Variants in SHB observed in about 807,000 individuals in gnomAD.
SHB encodes the protein SH2 domain-containing adapter protein B.
A neutral mutation model predicts 52.3 loss-of-function variants in SHB; 20 were observed. That is an observed-to-expected ratio of 0.38 (90% confidence interval 0.27 to 0.56). The LOEUF (loss-of-function observed/expected upper bound fraction) is 0.56. Ranked by LOEUF, SHB falls within the 20% of genes least tolerant of loss-of-function variation. The probability of loss-of-function intolerance (pLI) is 0.71; values close to 1 mark genes in which losing one functional copy is unlikely to be tolerated. For synonymous variants in SHB, 397 were observed against 316.5 expected, an observed-to-expected ratio of 1.25 and a Z score of -2.70; for missense variants, 825 against 723.3, an observed-to-expected ratio of 1.14 and a Z score of -1.61.
intron 1 of SHB, among the ~76,000 whole-genome samples, chr9:38,032,283 A>G (rs551124583): frequency 8.5e-5 from 13 of 152,154 alleles, no homozygotes; most frequent in African/African-American, 3.1e-4. Context: ...AAGCTCAGAA[A>G]TGTCTAGGAA....
chr9:37,971,690 A>G (rs575171142), intron 3 of SHB, among the ~76,000 whole-genome samples: 52 of 152,328 alleles, frequency 3.4e-4, no homozygotes, highest in Non-Finnish European at 6.9e-4. Context: ...CAACAGCCCA[A>G]TAACTCAGAC....
At chr9:37,959,926 A>C (rs1379375945) in intron 3 of SHB, among the ~76,000 whole-genome samples, 1 of 152,172 alleles carries the variant, frequency 6.6e-6, no homozygotes, top group Non-Finnish European at 1.5e-5. Context: ...CCGGCAACAT[A>C]ACAGGTGCTC....
chr9:37,988,506 T>A (rs901900012), intron 2 of SHB, among the ~76,000 whole-genome samples: 11 of 152,132 alleles, frequency 7.2e-5, no homozygotes, highest in African/African-American at 2.2e-4. Flanking sequence ...ACTAGCATGT[T>A]GGACGCTGAC....
At chr9:37,970,558 C>A (rs1820580536) in intron 3 of SHB, among the ~76,000 whole-genome samples, 1 of 152,216 alleles carries the variant, frequency 6.6e-6, no homozygotes, top group South Asian at 2.1e-4. Flanking sequence ...GCTTTGAAAG[C>A]TGGAAGGCAC....
At chr9:38,038,628 C>T (rs1220025363) in intron 1 of SHB, among the ~76,000 whole-genome samples, 1 of 152,206 alleles carries the variant, frequency 6.6e-6, no homozygotes, top group African/African-American at 2.4e-5. Context: ...AGGAAAGCAG[C>T]GGGTCTGCCT....
intron 3 of SHB, among the ~76,000 whole-genome samples, chr9:37,959,838 G>A (rs1023856329): frequency 3.0e-5 from 3 of 98,732 alleles, no homozygotes; most frequent in African/African-American, 1.3e-4. Flanking sequence ...CTAACTGCAT[G>A]TCCTACCCTG....
chr9:37,970,134 A>C (rs572207572), intron 3 of SHB, among the ~76,000 whole-genome samples: 2 of 152,298 alleles, frequency 1.3e-5, no homozygotes, highest in South Asian at 4.2e-4. Flanking sequence ...GTGGAACCTG[A>C]CTGGGCATTG....
chr9:37,963,100 T>C (rs1832711717), intron 3 of SHB, among the ~76,000 whole-genome samples: 1 of 152,114 alleles, frequency 6.6e-6, no homozygotes, highest in Non-Finnish European at 1.5e-5. Context: ...GGAGGTGCAG[T>C]GAGAGAAGAG....
chr9:37,986,723 G>A (rs929639820), intron 2 of SHB, among the ~76,000 whole-genome samples: 1 of 152,202 alleles, frequency 6.6e-6, no homozygotes, highest in East Asian at 1.9e-4. Context: ...TGATGAGCAG[G>A]GGCTGGGCTA....
chr9:38,016,731 CGACA>C (rs1821218765), intron 1 of SHB, among the ~76,000 whole-genome samples: 1 of 152,174 alleles, frequency 6.6e-6, no homozygotes, highest in Non-Finnish European at 1.5e-5. Context: ...GCTCAAGGAT[CGACA>C]GACAGCCAGG....
At chr9:38,051,277 T>TA (rs1821735563) in intron 1 of SHB, among the ~76,000 whole-genome samples, 1 of 151,668 alleles carries the variant, frequency 6.6e-6, no homozygotes, top group South Asian at 2.1e-4. Flanking sequence ...CTGTCTCTAC[T>TA]AAAAAATAAC....
At chr9:38,053,689 G>C (rs1332082525) in intron 1 of SHB, among the ~76,000 whole-genome samples, 1 of 152,002 alleles carries the variant, frequency 6.6e-6, no homozygotes, top group East Asian at 1.9e-4. Flanking sequence ...ACTCTCTGAG[G>C]ACCACATCAT....
At chr9:37,995,252 G>T (rs1820933741) in intron 2 of SHB, among the ~76,000 whole-genome samples, 1 of 152,282 alleles carries the variant, frequency 6.6e-6, no homozygotes, top group African/African-American at 2.4e-5. Flanking sequence ...CCACATGACC[G>T]CTGAGGCTCC....
chr9:38,027,829 G>A (rs1475964060), intron 1 of SHB, among the ~76,000 whole-genome samples: 1 of 151,976 alleles, frequency 6.6e-6, no homozygotes, highest in Admixed American at 6.6e-5. Flanking sequence ...GTTGGAGAAG[G>A]CCAGACTGGG....
At chr9:37,947,872 G>A (rs1832512033) in intron 5 of SHB, among the ~76,000 whole-genome samples, 1 of 152,222 alleles carries the variant, frequency 6.6e-6, no homozygotes, top group African/African-American at 2.4e-5. Flanking sequence ...TTACACCCCA[G>A]TTATGTCACC....
At chr9:38,002,776 CTG>C (rs1821033805) in intron 2 of SHB, among the ~76,000 whole-genome samples, 1 of 152,188 alleles carries the variant, frequency 6.6e-6, no homozygotes, top group East Asian at 1.9e-4. Flanking sequence ...TAAAACCAGA[CTG>C]TGAATTTTAA....
chr9:37,944,279 G>A (rs1832467935), intron 5 of SHB, among the ~76,000 whole-genome samples: 1 of 152,142 alleles, frequency 6.6e-6, no homozygotes, highest in African/African-American at 2.4e-5. Flanking sequence ...GTGGGATGCC[G>A]ACAGGTGGCA....
intron 2 of SHB, among the ~76,000 whole-genome samples, chr9:37,995,326 C>A (rs1000398065): frequency 6.6e-6 from 1 of 151,424 alleles, no homozygotes; most frequent in Non-Finnish European, 1.5e-5. Context: ...GGAAGTCCCA[C>A]CCCACCCTCC....
intron 2 of SHB, among the ~76,000 whole-genome samples, chr9:37,992,165 C>G (rs982337676): frequency 6.6e-6 from 1 of 152,168 alleles, no homozygotes; most frequent in Non-Finnish European, 1.5e-5. Flanking sequence ...CTTTGAGAGG[C>G]CGAGGTGGGA....
Sources: allele counts gnomAD v4.1 joint callset (sites outside exome capture counted in the v4.1 genomes callset), GRCh38; gene constraint gnomAD v4.1.1; transcripts MANE v1.5; gene names NCBI Gene and HGNC (gene_info 2026-07-23, HGNC 2026-07-21).